The following RSPH6A variants were observed in gnomAD, a reference collection of about 807,000 sequenced individuals.
RSPH6A encodes the protein radial spoke head protein 6 homolog A.
RSPH6A carries 49 observed loss-of-function variants against 66.1 expected under a neutral mutation model. That is an observed-to-expected ratio of 0.74 (90% CI 0.59 to 0.94). The LOEUF (loss-of-function observed/expected upper bound fraction) is 0.94, where lower values mean the gene tolerates loss of function less well. Among genes scored for constraint, RSPH6A ranks in the 40% least tolerant of loss-of-function variants. The pLI, the probability that RSPH6A is intolerant of heterozygous loss-of-function variation, is 0.00. For missense variants in RSPH6A, 977 were observed against 948.3 expected (o/e 1.03, Z -0.40); for synonymous variants, 419 against 402.4 (o/e 1.04, Z -0.49).
chr19:45,813,132 C>T (rs917249383), intron 1 of RSPH6A, among the ~76,000 whole-genome samples: 3 of 152,068 alleles, frequency 2.0e-5, no homozygotes, highest in African/African-American at 7.2e-5. Context: ...ACTTCATCAA[C>T]CTCATTTCTC....
chr19:45,811,744 T>TATTATTA (rs1421025974), intron 1 of RSPH6A, among the ~76,000 whole-genome samples: 293 of 13,698 alleles, frequency 0.021, 4 homozygotes, highest in African/African-American at 0.064. Flanking sequence ...CCAACATTTG[T>TATTATTA]ATTATTATTA....
At chr19:45,802,805 C>A (rs529103246) in intron 3 of RSPH6A, among the ~76,000 whole-genome samples, 1 of 150,510 alleles carries the variant, frequency 6.6e-6, no homozygotes, top group East Asian at 2.0e-4. Flanking sequence ...TTGCACCTGG[C>A]CCACTCATTG....
At chr19:45,806,857 A>G (rs1325621927) in intron 2 of RSPH6A, among the ~76,000 whole-genome samples, 1 of 151,900 alleles carries the variant, frequency 6.6e-6, no homozygotes, top group East Asian at 1.9e-4. Context: ...CCAACACTTT[A>G]TTATTCAACC....
intron 1 of RSPH6A, among the ~76,000 whole-genome samples, chr19:45,812,588 A>G (rs1404440064): frequency 1.3e-5 from 2 of 152,094 alleles, no homozygotes. Flanking sequence ...GCACTTGGGG[A>G]ATAGCCAGAG....
chr19:45,797,949 G>T (rs547862586), intron 5 of RSPH6A, among the ~76,000 whole-genome samples: 28 of 152,126 alleles, frequency 1.8e-4, no homozygotes, highest in Non-Finnish European at 4.1e-4. Context: ...TAAGTGCCCA[G>T]GCATAACCCA....
rs769841369 is a variant in RSPH6A, at chr19:45,795,891, TCCTCCTCCTCCTCGC to T, written c.2117_2131del (p.Gly706_Glu710del). On this transcript the variant is annotated inframe_deletion, in exon 6 of 6. Transcript: ENST00000221538. ...GCCTCAGTCATCTGTCTCCTCGCCC[TCCTCCTCCTCCTCGC>T]CCTCCTCCTCCTCCTCTGTGGCTCC... 7.8e-7 allele frequency: 1 copy of T among 1,285,576 alleles called. No individual in the cohort carries two copies. The highest frequency in any genetic ancestry group is 2.2e-5 in the Admixed American group (1 of 44,558). The allele number at this position is 1,285,576 out of a possible 1,614,324, so 79.6% of individuals were successfully genotyped here.
chr19:45,796,054 A>T lies in RSPH6A; in HGVS notation c.1969T>A (p.Phe657Ile), dbSNP rs984102186. The T allele has an allele frequency of 7.4e-6, 12 of 1,611,896 alleles. No individual in the cohort carries two copies. The highest frequency in any genetic ancestry group is 1.0e-5 in the Non-Finnish European group (12 of 1,178,862). Residue 657 changes from phenylalanine to isoleucine, a missense_variant, in exon 6 of 6, where the codon TTC becomes ATC. Physicochemically the swap from Phe to Ile is conservative, Grantham distance 21. Transcript: ENST00000221538. ...ATGGGGGCTGGCAGGGCCGGGTTGA[A>T]GCTCTCGGGGCTGTACTTGTGACCC... is the stretch of plus-strand genomic sequence containing the variant. Reference protein sequence around the residue: ...GWGHKYSPESFNPALPAPIQQ... With the variant: ...GWGHKYSPESINPALPAPIQQ...
intron 1 of RSPH6A, among the ~76,000 whole-genome samples, chr19:45,814,029 C>T (rs1206717752): frequency 6.6e-6 from 1 of 151,978 alleles, no homozygotes; most frequent in Non-Finnish European, 1.5e-5. Context: ...TGAAGTGGAG[C>T]GCGCCTGTAA....
chr19:45,805,789 C>T (rs901317198), intron 2 of RSPH6A, among the ~76,000 whole-genome samples: 22 of 152,050 alleles, frequency 1.4e-4, no homozygotes, highest in Non-Finnish European at 1.5e-4. Context: ...AGGGAAAGCC[C>T]TTGGACAGGA....
intron 1 of RSPH6A, among the ~76,000 whole-genome samples, chr19:45,811,853 A>C (rs1970634337): frequency 6.7e-6 from 1 of 149,628 alleles, no homozygotes; most frequent in Admixed American, 6.7e-5. Context: ...GCTCACCACA[A>C]CCTCTGCCTC....
intron 5 of RSPH6A, among the ~76,000 whole-genome samples, chr19:45,799,031 C>G (rs1182493094): frequency 6.6e-6 from 1 of 151,972 alleles, no homozygotes; most frequent in African/African-American, 2.4e-5. Context: ...AGGGAGTTGG[C>G]AAAAGCAAAC....
intron 4 of RSPH6A, among the ~76,000 whole-genome samples, chr19:45,800,778 T>A (rs1386299513): frequency 1.4e-5 from 2 of 139,980 alleles, no homozygotes; most frequent in African/African-American, 5.4e-5. Flanking sequence ...ACACACACTC[T>A]CTCTCTCTCT....
chr19:45,802,503 ATTTT>A (rs61325479), intron 3 of RSPH6A, among the ~76,000 whole-genome samples: 11,056 of 129,240 alleles, frequency 0.086, 655 homozygotes, highest in African/African-American at 0.18. Context: ...CACTCATTGA[ATTTT>A]TTTTTTTTTT....
chr19:45,805,574 C>T (rs1970533507), intron 2 of RSPH6A, among the ~76,000 whole-genome samples: 2 of 151,682 alleles, frequency 1.3e-5, no homozygotes, highest in East Asian at 3.9e-4. Context: ...CACCTGTAAT[C>T]CTAGCTATTT....
At chr19:45,797,456 ATG>A (rs1347481254) in intron 5 of RSPH6A, among the ~76,000 whole-genome samples, 1 of 152,098 alleles carries the variant, frequency 6.6e-6, no homozygotes, top group Non-Finnish European at 1.5e-5. Flanking sequence ...TATTTTATTT[ATG>A]TGAGACATAA....
Position 45,813,857 on chromosome 19 carries a change from C to T in RSPH6A, c.650+670G>A, listed in dbSNP as rs574533790. ...TTCCTCAGGCAGGGAGGTTTAGTTG[C>T]AGGATAAGAGGGTCTCAGGAGGGCT... On this transcript the variant is annotated intron_variant, in intron 1 of 5. Coordinates refer to ENST00000221538, the MANE Select transcript of RSPH6A (RefSeq NM_030785.4). 2.6e-5 allele frequency among the ~76,000 whole-genome samples: 4 copies of T among 152,126 alleles called. No individual in the cohort carries two copies. The Middle Eastern group carries it at 0.014, about 517-fold the overall frequency.
rs1970514960 is a variant in RSPH6A at position 45,804,550 on chromosome 19, G to A, written c.1355C>T (p.Ala452Val). 3 of 1,614,184 alleles carry A rather than the reference G, an allele frequency of 1.9e-6. No individual in the cohort carries two copies. Among genetic ancestry groups the A allele is most frequent in the Non-Finnish European group, 2.5e-6 (3 of 1,180,032 alleles). ...PHVTPAQIVN[A>V]RKIKKFFTGY... Reference sequence around the variant, plus strand: ...TGTGAAGAACTTCTTGATCTTTCGGGCGTTCACGATCTGGGCTGGAGTGAC... The same window carrying A: ...TGTGAAGAACTTCTTGATCTTTCGGACGTTCACGATCTGGGCTGGAGTGAC... Residue 452 changes from alanine (A) to valine (V), a missense_variant, in exon 3 of 6, where the codon GCC (alanine) becomes GTC (valine). By Grantham distance (64) the Ala-to-Val change is moderately conservative (BLOSUM62 0). Coordinates refer to ENST00000221538, the MANE Select transcript of RSPH6A (RefSeq NM_030785.4). The surrounding 1 kb of genome is among the most constrained non-coding windows in gnomAD (Gnocchi z 5.8).
At chr19:45,801,536 G>A (rs1025885590) in intron 4 of RSPH6A, among the ~76,000 whole-genome samples, 2 of 152,268 alleles carry the variant, frequency 1.3e-5, no homozygotes, top group African/African-American at 2.4e-5. Context: ...CGAGTAAGGT[G>A]GATCACTTGA....
In RSPH6A at chr19:45,795,879, G is replaced by T. The variant is rs776710136; in HGVS notation, c.2144C>A (p.Thr715Lys). Residue 715 changes from threonine to lysine, a missense_variant, in exon 6 of 6, where the codon ACA becomes AAA. Physicochemically the swap from Thr to Lys is moderately conservative, Grantham distance 78. Transcript: ENST00000221538. ...GCTAGAGGGTGGGCCTCAGTCATCTGTCTCCTCGCCCTCCTCCTCCTCCTC... is the reference window on the plus strand; with the variant it reads ...GCTAGAGGGTGGGCCTCAGTCATCTTTCTCCTCGCCCTCCTCCTCCTCCTC... The part of the protein sequence containing the change: ...EGEEEEEGEE[T>K]DD 1.4e-5 allele frequency: 18 copies of T among 1,272,658 alleles called. No individual in the cohort carries two copies. In the Admixed American group the frequency reaches 4.1e-4, roughly 29 times the overall value. 78.8% of individuals were successfully genotyped at this position (1,272,658 alleles called of 1,614,324 possible).
Sources: allele counts gnomAD v4.1 joint callset (sites outside exome capture counted in the v4.1 genomes callset), GRCh38; gene constraint gnomAD v4.1.1; non-coding constraint Gnocchi (gnomAD v3.1); transcripts MANE v1.5; gene names NCBI Gene and HGNC (gene_info 2026-07-23, HGNC 2026-07-21).